Variants in TXNRD1 observed in about 807,000 individuals in gnomAD.
TXNRD1 encodes the protein thioredoxin reductase 1.
TXNRD1 carries 57 observed loss-of-function variants against 80.3 expected under a neutral mutation model. That is an observed-to-expected ratio of 0.71 (90% CI 0.57 to 0.89). The LOEUF is 0.89. Among genes scored for constraint, TXNRD1 ranks in the 40% least tolerant of loss-of-function variants. The probability of loss-of-function intolerance (pLI) is 0.00; values close to 1 mark genes in which losing one functional copy is unlikely to be tolerated. For missense variants in TXNRD1, 730 were observed against 803.0 expected (o/e 0.91, Z 1.10); for synonymous variants, 291 against 285.2 (o/e 1.02, Z -0.20).
In TXNRD1 at chr12:104,277,473, G is replaced by A. The variant is rs575223490; in HGVS notation, c.305-11458G>A. ...AGCTACTTGGGAAGCTGAGGCATGA[G>A]GATCATTTAAACCCAGGAGTTTGAG... is the stretch of plus-strand genomic sequence containing the variant. On this transcript the variant is annotated intron_variant, in intron 3 of 16. Coordinates refer to ENST00000525566, the MANE Select transcript of TXNRD1 (RefSeq NM_001093771.3). Among the ~76,000 whole-genome samples, 3 of 152,158 alleles carry A rather than the reference G, an allele frequency of 2.0e-5. No individual in the cohort carries two copies. The South Asian group carries it at 6.2e-4, about 32-fold the overall frequency.
At chr12:104,347,317 A>G (rs964070567) in intron 16 of TXNRD1, among the ~76,000 whole-genome samples, 1 of 152,158 alleles carries the variant, frequency 6.6e-6, no homozygotes, top group African/African-American at 2.4e-5. Flanking sequence ...GCTAAAACAG[A>G]CTAAAGACTT....
intron 1 of TXNRD1, among the ~76,000 whole-genome samples, chr12:104,230,750 A>C (rs1484472693): frequency 6.6e-6 from 1 of 152,218 alleles, no homozygotes; most frequent in African/African-American, 2.4e-5. Context: ...AGTCAAGAGG[A>C]AACCCTGTGT....
At chr12:104,265,893 GAAA>G (rs34390973) in intron 3 of TXNRD1, 21,498 of 559,048 alleles carry the variant, frequency 0.038, 18 homozygotes, top group Non-Finnish European at 0.044. Flanking sequence ...CGCCCCGGTG[GAAA>G]AAAAAAAAAA....
At chr12:104,224,835 A>G in intron 1 of TXNRD1, 1 of 456,610 alleles carries the variant, frequency 2.2e-6, no homozygotes, top group South Asian at 1.5e-5. Flanking sequence ...TCCCCCTTGG[A>G]AACTTCTTTT....
At chr12:104,291,077 G>A (rs370899104) in intron 4 of TXNRD1, 6 of 681,474 alleles carry the variant, frequency 8.8e-6, no homozygotes, top group African/African-American at 5.4e-5. Flanking sequence ...CTAAAGTGCT[G>A]GGACTGCAGG....
rs2035206178 is a variant in TXNRD1, at chr12:104,313,312, G to C, written c.605G>C (p.Arg202Thr). 1.3e-6 allele frequency: 2 copies of C among 1,583,166 alleles called. No homozygotes were observed. Among genetic ancestry groups the C allele is most frequent in the Non-Finnish European group, 8.6e-7 (1 of 1,162,724 alleles). Residue 202 changes from arginine to threonine, a missense_variant, in exon 6 of 17, where the codon AGA (arginine) becomes ACA (threonine). Coordinates refer to ENST00000525566, the MANE Select transcript of TXNRD1 (RefSeq NM_001093771.3). ...GTCACTCCCACCCCTCTTGGAACTA[G>C]ATGGGGTAAGCTTTTAAGATACTCT... ...DFVTPTPLGT[R>T]WGLGGTCVNV...
chr12:104,288,870 T>A, intron 3 of TXNRD1, 61 bp from the exon 4 acceptor site: 1 of 1,613,372 alleles, frequency 6.2e-7, no homozygotes, highest in Non-Finnish European at 8.5e-7. Flanking sequence ...CCGGCGCAGT[T>A]CCCGCCTGTT....
intron 1 of TXNRD1, among the ~76,000 whole-genome samples, chr12:104,227,084 T>C (rs1468833318): frequency 6.6e-6 from 1 of 152,198 alleles, no homozygotes; most frequent in Non-Finnish European, 1.5e-5. Flanking sequence ...TGGAACCAGT[T>C]ATCTGAAAGT....
intron 2 of TXNRD1, among the ~76,000 whole-genome samples, chr12:104,256,071 C>A (rs1228509949): frequency 6.6e-6 from 1 of 152,074 alleles, no homozygotes; most frequent in Admixed American, 6.6e-5. Context: ...ATTTAAATTA[C>A]CTTGAAGTAG....
chr12:104,315,800 G>A lies in TXNRD1; in HGVS notation c.634G>A (p.Val212Met), dbSNP rs781034697. 9.3e-6 allele frequency: 15 copies of A among 1,609,488 alleles called. No individual in the cohort carries two copies. Among genetic ancestry groups the A allele is most frequent in the Non-Finnish European group, 1.3e-5 (15 of 1,177,484 alleles). Residue 212 changes from valine (V) to methionine (M), a missense_variant, in exon 7 of 17, where the codon GTG becomes ATG. Val to Met is a conservative substitution (Grantham distance 21). Transcript: ENST00000525566. ...AGGTCTCGGAGGAACATGTGTGAAT[G>A]TGGGTTGCATACCTAAAAAACTGAT... ...RWGLGGTCVN[V>M]GCIPKKLMHQ...
intron 3 of TXNRD1, among the ~76,000 whole-genome samples, chr12:104,288,415 T>C (rs191616339): frequency 6.6e-6 from 1 of 152,344 alleles, no homozygotes; most frequent in East Asian, 1.9e-4. Flanking sequence ...TTCAGGATTC[T>C]TTTTAAGAAT....
chr12:104,285,648 G>A (rs2033954934), intron 3 of TXNRD1, among the ~76,000 whole-genome samples: 1 of 152,176 alleles, frequency 6.6e-6, no homozygotes, highest in African/African-American at 2.4e-5. Flanking sequence ...GAAATAAGGT[G>A]TATTTTCAAT....
chr12:104,298,181 T>C (rs2034497607), intron 4 of TXNRD1, among the ~76,000 whole-genome samples: 1 of 152,224 alleles, frequency 6.6e-6, no homozygotes, highest in African/African-American at 2.4e-5. Flanking sequence ...AAGAATCTGC[T>C]GAAATCTAAG....
intron 16 of TXNRD1, among the ~76,000 whole-genome samples, chr12:104,346,981 C>T (rs1281515808): frequency 6.6e-6 from 1 of 151,968 alleles, no homozygotes; most frequent in Non-Finnish European, 1.5e-5. Flanking sequence ...TGTAATCCCA[C>T]CTACTCGGGA....
chr12:104,231,169 G>A (rs902584265), intron 1 of TXNRD1, among the ~76,000 whole-genome samples: 7 of 152,220 alleles, frequency 4.6e-5, no homozygotes, highest in Non-Finnish European at 1.0e-4. Flanking sequence ...CTGTCTCTCT[G>A]CCTAAAATAA....
Position 104,325,395 on chromosome 12 carries a change from A to C in TXNRD1, c.1274A>C (p.Asn425Thr), listed in dbSNP as rs367824614. The change falls in exon 11 of 17, where the codon AAT becomes ACT. Residue 425 changes from asparagine to threonine, a missense_variant. Coordinates refer to ENST00000525566, the MANE Select transcript of TXNRD1 (RefSeq NM_001093771.3). Reference sequence around the variant, plus strand: ...CTCAGAGTAGTAGCTCAGTCCACCAATAGTGAGGAAATCATTGAAGGAGAA... The same window carrying C: ...CTCAGAGTAGTAGCTCAGTCCACCACTAGTGAGGAAATCATTGAAGGAGAA... ...GRLRVVAQST[N>T]SEEIIEGEYN... 6.2e-7 allele frequency: 1 copy of C among 1,613,376 alleles called. No homozygotes were observed. Among genetic ancestry groups the C allele is most frequent in the East Asian group, 2.2e-5 (1 of 44,878 alleles).
chr12:104,334,332 T>C lies in TXNRD1; in HGVS notation c.1746T>C (p.Asn582=). The C allele has an allele frequency of 1.4e-6, 2 of 1,441,270 alleles. No homozygotes were observed. Among genetic ancestry groups the C allele is most frequent in the East Asian group, 2.6e-5 (1 of 38,364 alleles). 89.3% of individuals were successfully genotyped at this position (1,441,270 alleles called of 1,614,324 possible). A position where few individuals can be genotyped will look rare whatever the true frequency, so the allele number is the denominator to read the frequency against. Residue 582 remains asparagine, a splice_region_variant and synonymous_variant, in exon 15 of 17, where the codon AAT becomes AAC. Transcript: ENST00000525566. The part of the protein sequence containing the change: ...YAKIICNTKD[N]ERVVGFHVLG... ...AAATAATCTGTAATACTAAAGACAATGTAAGTTTAATTCTCAATCCTTTCC... is the reference window on the plus strand; with the variant it reads ...AAATAATCTGTAATACTAAAGACAACGTAAGTTTAATTCTCAATCCTTTCC...
At chr12:104,339,057 T>C in intron 15 of TXNRD1, 82 bp from the exon 16 acceptor site, 2 of 1,547,866 alleles carry the variant, frequency 1.3e-6, no homozygotes, top group South Asian at 1.2e-5. Flanking sequence ...AGAAACAGAC[T>C]GGAGAAATGC....
intron 16 of TXNRD1, among the ~76,000 whole-genome samples, chr12:104,341,737 T>A (rs2036331686): frequency 6.6e-6 from 1 of 152,142 alleles, no homozygotes; most frequent in Admixed American, 6.5e-5. Flanking sequence ...AACTCAATTC[T>A]GATACCAGCT....
Sources: gnomAD v4.1 joint callset for allele counts (sites outside exome capture counted in the v4.1 genomes callset) on GRCh38, gnomAD v4.1.1 for gene constraint, MANE v1.5 for transcripts, NCBI Gene and HGNC (gene_info 2026-07-23, HGNC 2026-07-21) for gene names.